The following WWOX variants were observed in gnomAD, a reference collection of about 807,000 sequenced individuals.
The protein encoded by WWOX is WW domain containing oxidoreductase.
WWOX carries 69 observed loss-of-function variants against 46.2 expected under a neutral mutation model. That is an observed-to-expected ratio of 1.49 (90% CI 1.23 to 1.82). The LOEUF is 1.82. Ranked by LOEUF, WWOX falls within the 40% of genes most tolerant of loss-of-function variation. The probability of loss-of-function intolerance (pLI) is 0.00; values close to 1 mark genes in which losing one functional copy is unlikely to be tolerated. For synonymous variants in WWOX, 359 were observed against 202.6 expected, an observed-to-expected ratio of 1.77 and a Z score of -6.56; for missense variants, 919 against 542.6, an observed-to-expected ratio of 1.69 and a Z score of -6.89.
intron 8 of WWOX, among the ~76,000 whole-genome samples, chr16:78,813,585 G>T (rs1032691350): frequency 1.1e-4 from 16 of 152,156 alleles, no homozygotes; most frequent in African/African-American, 3.9e-4. Flanking sequence ...GTGCGTGTGT[G>T]TGTGCATGTG....
chr16:79,157,250 G>A (rs74896005), intron 8 of WWOX, among the ~76,000 whole-genome samples: 13,517 of 152,194 alleles, frequency 0.089, 1,141 homozygotes, highest in African/African-American at 0.22. Context: ...GAGTCTGTCA[G>A]GAAGTGGTGG....
intron 8 of WWOX, among the ~76,000 whole-genome samples, chr16:79,138,463 C>A (rs967354317): frequency 6.6e-6 from 1 of 152,184 alleles, no homozygotes; most frequent in African/African-American, 2.4e-5. Context: ...ACACATTCCT[C>A]GTCTCTTTCC....
At chr16:79,196,535 C>T (rs1040803807) in intron 8 of WWOX, 4 of 152,186 alleles carry the variant, frequency 2.6e-5, no homozygotes, top group African/African-American at 4.8e-5. Context: ...GACCCAACTT[C>T]CATTAATGCC....
At chr16:78,505,023 G>C (rs1486282430) in intron 8 of WWOX, among the ~76,000 whole-genome samples, 1 of 152,136 alleles carries the variant, frequency 6.6e-6, no homozygotes, top group South Asian at 2.1e-4. Flanking sequence ...GATAAATGGT[G>C]TATTTCACAC....
At chr16:78,990,044 C>T (rs770732487) in intron 8 of WWOX, among the ~76,000 whole-genome samples, 1 of 151,738 alleles carries the variant, frequency 6.6e-6, no homozygotes, top group Admixed American at 6.6e-5. Context: ...ATTAGCTGGG[C>T]TTGGTGACAG....
At chr16:78,730,552 A>T (rs771831875) in intron 8 of WWOX, among the ~76,000 whole-genome samples, 3 of 151,580 alleles carry the variant, frequency 2.0e-5, no homozygotes, top group Non-Finnish European at 4.4e-5. Context: ...CCTGGTCTCA[A>T]ATGATCCACC....
chr16:78,377,973 A>G (rs993272077), intron 5 of WWOX, among the ~76,000 whole-genome samples: 1 of 151,882 alleles, frequency 6.6e-6, no homozygotes, highest in Non-Finnish European at 1.5e-5. Flanking sequence ...CTTATTAGGG[A>G]TGTTTGTGTA....
intron 6 of WWOX, among the ~76,000 whole-genome samples, chr16:78,416,652 C>T (rs897680382): frequency 3.3e-5 from 5 of 152,152 alleles, no homozygotes; most frequent in Non-Finnish European, 7.4e-5. Flanking sequence ...CTAGAAGAGA[C>T]ATTGTTGTTA....
chr16:78,369,653 A>G lies in WWOX; in HGVS notation c.517-17207A>G, dbSNP rs138324316. 2.4e-4 allele frequency among the ~76,000 whole-genome samples: 36 copies of G among 151,868 alleles called. No homozygotes were observed. The East Asian group carries it at 6.4e-3, about 27-fold the overall frequency. ...TTCATTACATACTGTTATCCATCCTATTGTGGGACCAATTTCTCCAGAAAG... is the reference window on the plus strand; with the variant it reads ...TTCATTACATACTGTTATCCATCCTGTTGTGGGACCAATTTCTCCAGAAAG... On this transcript the variant is annotated intron_variant, in intron 5 of 8. Transcript: ENST00000566780.
intron 5 of WWOX, among the ~76,000 whole-genome samples, chr16:78,362,909 G>C (rs2081441991): frequency 2.6e-5 from 4 of 152,194 alleles, no homozygotes; most frequent in Non-Finnish European, 5.9e-5. Flanking sequence ...GGTGGTGTCA[G>C]AATGTTATCC....
intron 8 of WWOX, among the ~76,000 whole-genome samples, chr16:78,775,901 C>G (rs779209174): frequency 6.6e-6 from 1 of 152,184 alleles, no homozygotes; most frequent in Admixed American, 6.5e-5. Context: ...CCTGTAAGAG[C>G]TTGAATCCTT....
At chr16:78,394,201 A>G (rs1057057221) in intron 6 of WWOX, among the ~76,000 whole-genome samples, 6 of 152,202 alleles carry the variant, frequency 3.9e-5, no homozygotes, top group African/African-American at 1.2e-4. Flanking sequence ...TCTTGGCTCA[A>G]TATGAGAAAT....
intron 5 of WWOX, among the ~76,000 whole-genome samples, chr16:78,337,215 G>C (rs1349116118): frequency 6.6e-6 from 1 of 152,170 alleles, no homozygotes; most frequent in Admixed American, 6.5e-5. Flanking sequence ...ATCCCTCAAT[G>C]TGTTGACCAA....
chr16:78,454,489 TTTTG>T lies in WWOX; in HGVS notation c.1056+21753_1056+21756del, dbSNP rs962668633. Among the ~76,000 whole-genome samples, 61 of 142,130 alleles carry T rather than the reference TTTTG, an allele frequency of 4.3e-4. 1 individual carries two copies. In the South Asian group the frequency reaches 9.9e-3, roughly 23 times the overall value. The allele number at this position is 142,130 out of a possible 152,430, so 93.2% of individuals were successfully genotyped here. A position where few individuals can be genotyped will look rare whatever the true frequency, so the allele number is the denominator to read the frequency against. ...TTTCCCCTAGGTTGTGTTTTTGTGTTTTTGTTTGTTTGTTTGTTTCTTTGTTTGT... is the reference window on the plus strand; with the variant it reads ...TTTCCCCTAGGTTGTGTTTTTGTGTTTTTGTTTGTTTGTTTCTTTGTTTGT... On this transcript the variant is annotated intron_variant, in intron 8 of 8. Transcript: ENST00000566780.
chr16:78,283,859 A>G (rs2079725126), intron 5 of WWOX, among the ~76,000 whole-genome samples: 1 of 152,248 alleles, frequency 6.6e-6, no homozygotes, highest in Admixed American at 6.5e-5. Flanking sequence ...TGTAATTGAC[A>G]TATAGTTGTC....
intron 7 of WWOX, among the ~76,000 whole-genome samples, chr16:78,427,429 T>C (rs947254695): frequency 3.9e-5 from 6 of 152,062 alleles, no homozygotes; most frequent in Non-Finnish European, 8.8e-5. Flanking sequence ...ACAATTAAAG[T>C]AGAATGAAAA....
rs544698023 is a variant in WWOX at position 78,355,912 on chromosome 16, G to T, written c.517-30948G>T. 6 of 361,602 alleles carry T rather than the reference G, an allele frequency of 1.7e-5. No homozygotes were observed. The East Asian group carries it at 3.2e-4, about 19-fold the overall frequency. The allele number at this position is 361,602 out of a possible 1,614,324, so 22.4% of individuals were successfully genotyped here. ...CTAAATGTGCAAGATATTCAAAAGA[G>T]AAACCCGCATACATTTGGATATTAA... is the stretch of plus-strand genomic sequence containing the variant. On this transcript the variant is annotated intron_variant, in intron 5 of 8. Coordinates refer to ENST00000566780, the MANE Select transcript of WWOX (RefSeq NM_016373.4).
At chr16:78,693,887 C>G (rs1455139575) in intron 8 of WWOX, among the ~76,000 whole-genome samples, 1 of 152,034 alleles carries the variant, frequency 6.6e-6, no homozygotes, top group African/African-American at 2.4e-5. Flanking sequence ...TTGTAAGATT[C>G]TCAGAGTTAA....
At position 78,960,823 on chromosome 16, in the gene WWOX, T is replaced by G. The variant is rs147214169; in HGVS notation, c.1057-250785T>G. On this transcript the variant is annotated intron_variant, in intron 8 of 8. Transcript: ENST00000566780. The stretch of plus-strand genomic sequence containing the variant: ...TCTTCTTGTTAAACTAGCATCCTGT[T>G]TTACTGAATCTCTGCCTCAGTTGCT... Among the ~76,000 whole-genome samples the G allele has an allele frequency of 8.5e-4, 130 of 152,306 alleles. 4 individuals carry two copies. The East Asian group carries it at 0.023, about 27-fold the overall frequency.
Sources: gnomAD v4.1 joint callset for allele counts (sites outside exome capture counted in the v4.1 genomes callset) on GRCh38, gnomAD v4.1.1 for gene constraint, MANE v1.5 for transcripts, NCBI Gene and HGNC (gene_info 2026-07-23, HGNC 2026-07-21) for gene names.